ARHGAP35: variants seen among roughly 807,000 people sequenced by gnomAD.
The protein encoded by ARHGAP35 is rho GTPase-activating protein 35.
Under a neutral mutation model 111.1 loss-of-function variants are expected in ARHGAP35, and 15 were observed. The observed-to-expected ratio is 0.13, with a 90% CI of 0.09 to 0.21. The LOEUF is 0.21. Among genes scored for constraint, ARHGAP35 ranks in the 10% least tolerant of loss-of-function variants. ARHGAP35 has a pLI of 1.00. For synonymous variants in ARHGAP35, 643 were observed against 710.3 expected (o/e 0.91, Z 1.51); for missense variants, 1,262 against 1,873.0 (o/e 0.67, Z 6.02).
At chr19:46,978,675 T>TTGTGTGGTGGGATGTG (rs2056596206) in intron 3 of ARHGAP35, among the ~76,000 whole-genome samples, 1 of 23,740 alleles carries the variant, frequency 4.2e-5, no homozygotes, top group Non-Finnish European at 8.7e-5. Context: ...GTGGTGGGGT[T>TTGTGTGGTGGGATGTG]TGTGTGGTGG....
chr19:46,900,021 A>AT (rs768111155), intron 1 of ARHGAP35, among the ~76,000 whole-genome samples: 3 of 151,928 alleles, frequency 2.0e-5, no homozygotes, highest in Non-Finnish European at 4.4e-5. Flanking sequence ...TTTTCTGTTG[A>AT]TTTTTCTATA....
At position 46,989,528 on chromosome 19, in the gene ARHGAP35, C is replaced by A. The variant is rs376673484; in HGVS notation, c.3905-16C>A. The A allele has an allele frequency of 4.3e-6, 7 of 1,613,458 alleles. No homozygotes were observed. The highest frequency in any genetic ancestry group is 1.7e-5 in the Admixed American group (1 of 59,996). ...GCTTAGAATGGTTTGGCCTCACTCTCCTGACTTCCTTTCAGACCACAACCT... is the reference window on the plus strand; with the variant it reads ...GCTTAGAATGGTTTGGCCTCACTCTACTGACTTCCTTTCAGACCACAACCT... On this transcript the variant is annotated splice_polypyrimidine_tract_variant and intron_variant, in intron 4 of 6. Coordinates refer to ENST00000672722, the MANE Select transcript of ARHGAP35 (RefSeq NM_004491.5). The surrounding 1 kb of genome is among the most constrained non-coding windows in gnomAD (Gnocchi z 5.3).
intron 2 of ARHGAP35, among the ~76,000 whole-genome samples, chr19:46,928,224 G>T (rs2056249714): frequency 6.6e-6 from 1 of 151,934 alleles, no homozygotes. Context: ...CAGCATACCT[G>T]TTCTTAAAAA....
rs1428179353 is a variant in ARHGAP35, at chr19:46,989,617, A to C, written c.3978A>C (p.Ser1326=). The change falls in exon 5 of 7, where the codon TCA becomes TCC. Residue 1326 remains serine, a synonymous_variant. Transcript: ENST00000672722. The surrounding 1 kb of genome is among the most constrained non-coding windows in gnomAD (Gnocchi z 5.3). ...TVAGAMKSFF[S]ELPDPLVPYN... is the part of the protein sequence containing the mutation. ...CTGGTGCCATGAAGAGCTTTTTCTC[A>C]GAACTGCCTGACCCCCTGGTCCCGT... is the stretch of plus-strand genomic sequence containing the variant. The C allele has an allele frequency of 6.2e-7, 1 of 1,614,010 alleles. No individual in the cohort carries two copies. The highest frequency in any genetic ancestry group is 1.1e-5 in the South Asian group (1 of 91,082).
At chr19:46,882,115 ACC>A (rs1424510889) in intron 1 of ARHGAP35, among the ~76,000 whole-genome samples, 10 of 149,912 alleles carry the variant, frequency 6.7e-5, no homozygotes, top group Non-Finnish European at 1.2e-4. Context: ...TTCTGTCTAG[ACC>A]ACTCAAACTT....
chr19:46,862,474 C>G (rs2055834005), intron 1 of ARHGAP35, among the ~76,000 whole-genome samples: 2 of 152,048 alleles, frequency 1.3e-5, no homozygotes, highest in Admixed American at 1.3e-4. Context: ...TAGACATGCC[C>G]TTTAACCTCA....
rs1255945353 is a variant in ARHGAP35 at position 47,000,708 on chromosome 19, A to G, written c.*20A>G. On this transcript the variant is annotated 3_prime_UTR_variant, in exon 7 of 7. Coordinates refer to ENST00000672722, the MANE Select transcript of ARHGAP35 (RefSeq NM_004491.5). The surrounding 1 kb of genome is among the most constrained non-coding windows in gnomAD (Gnocchi z 6.9). ...CTGTGAGCCACCAAGACCTGGGGCG[A>G]CAGGAGAACCGGTCCTCTCTCTGAC... is the stretch of plus-strand genomic sequence containing the variant. 6.5e-7 allele frequency: 1 copy of G among 1,549,374 alleles called. No homozygotes were observed. Among genetic ancestry groups the G allele is most frequent in the Non-Finnish European group, 8.7e-7 (1 of 1,146,860 alleles).
chr19:46,879,549 T>C (rs1361372762), intron 1 of ARHGAP35, among the ~76,000 whole-genome samples: 1 of 148,150 alleles, frequency 6.7e-6, no homozygotes, highest in African/African-American at 2.5e-5. Context: ...ATCGCGCCAC[T>C]GCACTCCAGC....
Position 46,921,603 on chromosome 19 carries a change from G to C in ARHGAP35, c.2928G>C (p.Pro976=). The C allele has an allele frequency of 1.2e-6, 2 of 1,613,892 alleles. No homozygotes were observed. The highest frequency in any genetic ancestry group is 1.7e-6 in the Non-Finnish European group (2 of 1,179,872). ...TTAACTCCCCCCGGGCAGGATCACC[G>C]CTCTGCAACTCAAACCTGCAGGATT... ...EVFNSPRAGS[P]LCNSNLQDSE... The change falls in exon 2 of 7, where the codon CCG becomes CCC. Residue 976 remains proline, a synonymous_variant. Coordinates refer to ENST00000672722, the MANE Select transcript of ARHGAP35 (RefSeq NM_004491.5). The surrounding 1 kb of genome is among the most constrained non-coding windows in gnomAD (Gnocchi z 4.3).
At chr19:46,902,219 T>C (rs903870300) in intron 1 of ARHGAP35, among the ~76,000 whole-genome samples, 2 of 152,218 alleles carry the variant, frequency 1.3e-5, no homozygotes, top group Non-Finnish European at 2.9e-5. Context: ...GACATGTTAG[T>C]TGGCAAAGTA....
chr19:46,950,469 G>A (rs1193675428), intron 3 of ARHGAP35, among the ~76,000 whole-genome samples: 1 of 152,230 alleles, frequency 6.6e-6, no homozygotes. Flanking sequence ...GAATAATTCA[G>A]TTTAGCATGT....
At chr19:46,968,158 G>T (rs61301462) in intron 3 of ARHGAP35, among the ~76,000 whole-genome samples, 2 of 152,196 alleles carry the variant, frequency 1.3e-5, no homozygotes, top group Non-Finnish European at 2.9e-5. Context: ...GCTTCATTCA[G>T]TGGTGGAAAC....
chr19:46,969,530 G>A (rs2056533152), intron 3 of ARHGAP35, among the ~76,000 whole-genome samples: 1 of 152,140 alleles, frequency 6.6e-6, no homozygotes, highest in African/African-American at 2.4e-5. Flanking sequence ...ACTCTCAGGA[G>A]CAACCAGGGA....
chr19:46,928,966 C>T (rs1358412876), intron 2 of ARHGAP35, among the ~76,000 whole-genome samples: 2 of 149,246 alleles, frequency 1.3e-5, no homozygotes, highest in African/African-American at 5.0e-5. Context: ...TAGTTAGGTC[C>T]TGCAATAGGA....
intron 3 of ARHGAP35, among the ~76,000 whole-genome samples, chr19:46,968,938 T>C (rs1259539960): frequency 6.6e-6 from 1 of 152,050 alleles, no homozygotes; most frequent in Non-Finnish European, 1.5e-5. Context: ...AATACAAAAA[T>C]TAGCCGGGCG....
chr19:46,890,928 T>G (rs943048538), intron 1 of ARHGAP35, among the ~76,000 whole-genome samples: 3 of 152,244 alleles, frequency 2.0e-5, no homozygotes, highest in Admixed American at 6.5e-5. Context: ...GACTGTTTAC[T>G]TACTAGAAGA....
Position 47,000,116 on chromosome 19 carries a change from C to T in ARHGAP35, c.4143-215C>T, listed in dbSNP as rs1248914710. On this transcript the variant is annotated intron_variant, in intron 6 of 6. Transcript: ENST00000672722. The surrounding 1 kb of genome is among the most constrained non-coding windows in gnomAD (Gnocchi z 6.9). Reference sequence around the variant, plus strand: ...TTTGCGGGGCTCCAGGCAGCCTTTCCGAGGTTGGCCATGTAGAGGCACTGG... The same window carrying T: ...TTTGCGGGGCTCCAGGCAGCCTTTCTGAGGTTGGCCATGTAGAGGCACTGG... 2.0e-5 allele frequency among the ~76,000 whole-genome samples: 3 copies of T among 152,142 alleles called. No individual in the cohort carries two copies. Among genetic ancestry groups the T allele is most frequent in the African/African-American group, 4.8e-5 (2 of 41,426 alleles).
intron 1 of ARHGAP35, among the ~76,000 whole-genome samples, chr19:46,907,894 T>C (rs1453483723): frequency 6.6e-6 from 1 of 152,194 alleles, no homozygotes; most frequent in Non-Finnish European, 1.5e-5. Context: ...CGATAGCCTG[T>C]TTTGGGACTG....
At position 46,994,106 on chromosome 19, in the gene ARHGAP35, C is replaced by T. The variant is rs1370497868; in HGVS notation, c.4036+4431C>T. ...ACCTGGGAATCCACAAACCAGCACA[C>T]GCCAGGTGTGGGGAGAAGCCACCCT... On this transcript the variant is annotated intron_variant, in intron 5 of 6. Transcript: ENST00000672722. This position sits in a 1 kb window ranked among gnomAD's most constrained non-coding sequence, Gnocchi z 5.4. 6.6e-5 allele frequency among the ~76,000 whole-genome samples: 10 copies of T among 152,258 alleles called. No individual in the cohort carries two copies. The highest frequency in any genetic ancestry group is 3.9e-4 in the East Asian group (2 of 5,180).
Sources: allele counts gnomAD v4.1 joint callset (sites outside exome capture counted in the v4.1 genomes callset), GRCh38; gene constraint gnomAD v4.1.1; non-coding constraint Gnocchi (gnomAD v3.1); transcripts MANE v1.5; gene names NCBI Gene and HGNC (gene_info 2026-07-23, HGNC 2026-07-21).